The following COPZ2 variants were observed in gnomAD, a reference collection of about 807,000 sequenced individuals.
COPZ2 encodes the protein coat protein complex I subunit zeta 2.
In COPZ2, 30 loss-of-function variants were observed where a neutral mutation model predicts 33.2. The ratio of observed to expected loss-of-function variants is 0.90; its 90% CI spans 0.68 to 1.23. The LOEUF is 1.23. Among genes scored for constraint, COPZ2 ranks in the 50% most tolerant of loss-of-function variants. The probability of loss-of-function intolerance (pLI) is 0.00; values close to 1 mark genes in which losing one functional copy is unlikely to be tolerated. For missense variants in COPZ2, 263 were observed against 262.4 expected (o/e 1.00, Z -0.02); for synonymous variants, 89 against 102.6 (o/e 0.87, Z 0.80).
At chr17:48,037,923 C>A, upstream of COPZ2, 1 of 876,220 alleles carries the variant, frequency 1.1e-6, no homozygotes, top group Non-Finnish European at 1.4e-6. This position sits in a 1 kb window ranked among gnomAD's most constrained non-coding sequence, Gnocchi z 5.6. Flanking sequence ...CCCATCTCCC[C>A]TCCCGCCCTC....
chr17:48,044,909 G>C, the COPZ2 span, among the ~76,000 whole-genome samples: 1 of 152,272 alleles, frequency 6.6e-6, no homozygotes, highest in East Asian at 1.9e-4. Context: ...TGAGGTTACA[G>C]AGTAAGAAAT....
upstream of COPZ2, among the ~76,000 whole-genome samples, chr17:48,039,973 T>C (rs954782534): frequency 4.0e-5 from 6 of 151,816 alleles, no homozygotes; most frequent in African/African-American, 1.2e-4. Context: ...TACAAAAAAA[T>C]TAGCCGGGGG....
chr17:48,043,253 C>T, the COPZ2 span, among the ~76,000 whole-genome samples: 5 of 152,266 alleles, frequency 3.3e-5, no homozygotes, highest in African/African-American at 1.2e-4. Context: ...TGGTCCCTGC[C>T]CTTTGGAGTC....
upstream of COPZ2, among the ~76,000 whole-genome samples, chr17:48,038,563 AT>A (rs1315051777): frequency 1.3e-5 from 2 of 152,242 alleles, no homozygotes; most frequent in African/African-American, 4.8e-5. Context: ...TGTATTTTAC[AT>A]TTGACACCTT....
rs2036853055 is a variant in COPZ2 at position 48,028,953 on chromosome 17, TG to T, written c.546+171del. 6.6e-6 allele frequency among the ~76,000 whole-genome samples: 1 copy of T among 152,068 alleles called. No individual in the cohort carries two copies. The highest frequency in any genetic ancestry group is 2.4e-5 in the African/African-American group (1 of 41,398). On this transcript the variant is annotated intron_variant, in intron 7 of 8. Coordinates refer to ENST00000621465, the MANE Select transcript of COPZ2 (RefSeq NM_016429.4). The surrounding 1 kb of genome is among the most constrained non-coding windows in gnomAD (Gnocchi z 4.5). ...GGACAGGAAGATTTCTTCCATTAAC[TG>T]GCATCCCACCCAGAAACTGCTGCTC... is the stretch of plus-strand genomic sequence containing the variant.
In COPZ2 at chr17:48,032,663, G is replaced by A. The variant is rs746507596; in HGVS notation, c.416+23C>T. On this transcript the variant is annotated intron_variant, in intron 5 of 8. Transcript: ENST00000621465. ...ATCAGGGCCAGGGGGATGGGGCCTC[G>A]GAGGGCAGAGAACCTCACTCACCTT... 23 of 1,570,346 alleles carry A rather than the reference G, an allele frequency of 1.5e-5. No homozygotes were observed. The East Asian group carries it at 1.9e-4, about 13-fold the overall frequency.
the COPZ2 span, among the ~76,000 whole-genome samples, chr17:48,043,372 CTG>C: frequency 1.3e-5 from 2 of 150,374 alleles, no homozygotes; most frequent in Admixed American, 6.6e-5. Context: ...CATTTCTGTG[CTG>C]TCTGTCCTAG....
At chr17:48,039,900 T>C (rs1383978763), upstream of COPZ2, among the ~76,000 whole-genome samples, 1 of 151,940 alleles carries the variant, frequency 6.6e-6, no homozygotes, top group African/African-American at 2.4e-5. Context: ...GACAGGCGGA[T>C]CACGAGGTCA....
upstream of COPZ2, among the ~76,000 whole-genome samples, chr17:48,040,843 A>C (rs994915471): frequency 2.0e-5 from 3 of 152,026 alleles, no homozygotes; most frequent in Non-Finnish European, 2.9e-5. Flanking sequence ...AATAATTAAA[A>C]TGTACCTATC....
At chr17:48,044,908 A>G in the COPZ2 span, among the ~76,000 whole-genome samples, 12,754 of 152,238 alleles carry the variant, frequency 0.084, 739 homozygotes, top group East Asian at 0.21. Flanking sequence ...ATGAGGTTAC[A>G]GAGTAAGAAA....
chr17:48,046,979 G>A, the COPZ2 span: 3 of 152,216 alleles, frequency 2.0e-5, no homozygotes, highest in Non-Finnish European at 4.4e-5. Context: ...GCCTAGAATA[G>A]GTAAAACATG....
In COPZ2 at chr17:48,033,932, T is replaced by C. The variant is rs1268769072; in HGVS notation, c.199A>G (p.Thr67Ala). ...ATCTGCTCCTTCATGGAGGGGAATG[T>C]GTCATCATAATACTATGAGAAAGGG... The part of the protein sequence containing the change: ...RRLLAKYYDD[T>A]FPSMKEQMVF... The change falls in exon 3 of 9, where the codon ACA becomes GCA. Residue 67 changes from threonine to alanine, a missense_variant. Transcript: ENST00000621465. The C allele has an allele frequency of 1.2e-6, 2 of 1,608,786 alleles. No homozygotes were observed. The highest frequency in any genetic ancestry group is 1.7e-6 in the Non-Finnish European group (2 of 1,176,844).
the COPZ2 span, chr17:48,045,658 G>C: frequency 1.3e-5 from 2 of 152,388 alleles, no homozygotes; most frequent in African/African-American, 4.8e-5. Flanking sequence ...GCAAGGCCTA[G>C]TTTTACAATG....
Position 48,032,282 on chromosome 17 carries a change from G to C in COPZ2, c.417-49C>G, listed in dbSNP as rs778721154. 18 of 1,515,018 alleles carry C rather than the reference G, an allele frequency of 1.2e-5. No individual in the cohort carries two copies. The South Asian group carries it at 1.8e-4, about 15-fold the overall frequency. The allele number at this position is 1,515,018 out of a possible 1,614,324, so 93.8% of individuals were successfully genotyped here. Reference sequence around the variant, plus strand: ...AGCCTCCCTGTGGCTGGGAGGAACTGAGTCCCTGCCTAGGTGAGGCTGACC... The same window carrying C: ...AGCCTCCCTGTGGCTGGGAGGAACTCAGTCCCTGCCTAGGTGAGGCTGACC... On this transcript the variant is annotated intron_variant, in intron 5 of 8. Transcript: ENST00000621465.
intron 2 of COPZ2, 83 bp from the exon 3 acceptor site, chr17:48,034,027 C>T (rs933754369): frequency 1.0e-5 from 10 of 971,842 alleles, no homozygotes; most frequent in South Asian, 4.2e-5. Context: ...AAAGAGTAGG[C>T]GCTGGGCAAG....
At position 48,026,310 on chromosome 17, in the gene COPZ2, G is replaced by T. The variant is rs1205827012; in HGVS notation, c.*118C>A. ...GAAGCCCTGGCTGGAGACCTTAGGA[G>T]TCAGTTCTGGGAGGGACCTGGGGAT... On this transcript the variant is annotated 3_prime_UTR_variant, in exon 9 of 9. Coordinates refer to ENST00000621465, the MANE Select transcript of COPZ2 (RefSeq NM_016429.4). 2.6e-6 allele frequency: 2 copies of T among 774,986 alleles called. No homozygotes were observed. Among genetic ancestry groups the T allele is most frequent in the Non-Finnish European group, 4.3e-6 (2 of 466,300 alleles). 48.0% of individuals were successfully genotyped at this position (774,986 alleles called of 1,614,324 possible).
intron 5 of COPZ2, 55 bp downstream of exon 5, chr17:48,032,631 G>A: frequency 4.4e-6 from 6 of 1,368,746 alleles, no homozygotes; most frequent in Non-Finnish European, 6.1e-6. Flanking sequence ...GAAGGGTCCT[G>A]TGACATATCA....
At chr17:48,033,323 C>A in intron 3 of COPZ2, 21 bp from the exon 4 acceptor site, 2 of 1,480,292 alleles carry the variant, frequency 1.4e-6, no homozygotes, top group South Asian at 1.2e-5. Context: ...AGGGAGCTTT[C>A]AGTCCTGGCC....
rs955405517 is a variant in COPZ2 at position 48,037,151 on chromosome 17, G to A, written c.112-226C>T. The A allele has an allele frequency of 2.6e-6, 2 of 759,648 alleles. No homozygotes were observed. Among genetic ancestry groups the A allele is most frequent in the African/African-American group, 1.7e-5 (1 of 58,678 alleles). The allele number at this position is 759,648 out of a possible 1,614,324, so 47.1% of individuals were successfully genotyped here. On this transcript the variant is annotated intron_variant, in intron 1 of 8. Transcript: ENST00000621465. The surrounding 1 kb of genome is among the most constrained non-coding windows in gnomAD (Gnocchi z 5.6). Reference sequence around the variant, plus strand: ...GCCCCGAGTGGGCGCTGTGCCCGTTGGGTGCAGAAGGTCCTTCCGGGCCCA... The same window carrying A: ...GCCCCGAGTGGGCGCTGTGCCCGTTAGGTGCAGAAGGTCCTTCCGGGCCCA...
Sources: gnomAD v4.1 joint callset for allele counts (sites outside exome capture counted in the v4.1 genomes callset) on GRCh38, gnomAD v4.1.1 for gene constraint, Gnocchi (gnomAD v3.1) non-coding constraint, MANE v1.5 for transcripts, NCBI Gene and HGNC (gene_info 2026-07-23, HGNC 2026-07-21) for gene names.